Variants in SLC44A5 observed in about 807,000 individuals in gnomAD.
SLC44A5 encodes the protein solute carrier family 44 member 5, also known as choline transporter-like protein 5.
A neutral mutation model predicts 101.8 loss-of-function variants in SLC44A5; 57 were observed. That is an observed-to-expected ratio of 0.56 (90% confidence interval 0.45 to 0.70). SLC44A5 has a LOEUF of 0.70. Ranked by LOEUF, SLC44A5 falls within the 30% of genes least tolerant of loss-of-function variation. The probability of loss-of-function intolerance (pLI) is 0.00; values close to 1 mark genes in which losing one functional copy is unlikely to be tolerated. For synonymous variants in SLC44A5, 281 were observed against 290.9 expected (o/e 0.97, Z 0.35); for missense variants, 737 against 853.1 (o/e 0.86, Z 1.70).
chr1:75,400,215 GACAA>G (rs1662389395), intron 2 of SLC44A5, among the ~76,000 whole-genome samples: 2 of 152,158 alleles, frequency 1.3e-5, no homozygotes, highest in Admixed American at 6.5e-5. Context: ...TACAAGGGTT[GACAA>G]ACAACATATT....
At chr1:75,393,724 A>G (rs1661945742) in intron 3 of SLC44A5, among the ~76,000 whole-genome samples, 1 of 152,190 alleles carries the variant, frequency 6.6e-6, no homozygotes, top group South Asian at 2.1e-4. Flanking sequence ...GAAAATAGGA[A>G]CTGTAATTAT....
the SLC44A5 span, chr1:75,677,717 A>C: frequency 9.1e-6 from 4 of 437,166 alleles, no homozygotes; most frequent in African/African-American, 8.5e-5. Flanking sequence ...GACCCAGTGC[A>C]ATCATCTGTT....
chr1:75,441,604 AT>A (rs148659434), intron 2 of SLC44A5, among the ~76,000 whole-genome samples: 3,054 of 152,210 alleles, frequency 0.02, 97 homozygotes, highest in African/African-American at 0.07. Flanking sequence ...AATTAAAAAA[AT>A]ATATTACCCA....
intron 3 of SLC44A5, among the ~76,000 whole-genome samples, chr1:75,342,399 T>A (rs1327558380): frequency 6.6e-6 from 1 of 152,182 alleles, no homozygotes; most frequent in Non-Finnish European, 1.5e-5. Flanking sequence ...TAAAAATTCA[T>A]GCCATTTCAA....
intron 2 of SLC44A5, among the ~76,000 whole-genome samples, chr1:75,431,952 G>A (rs551343362): frequency 3.0e-4 from 45 of 152,186 alleles, no homozygotes; most frequent in African/African-American, 1.1e-3. Context: ...TCGAATTTTA[G>A]TGCATTCTTC....
the SLC44A5 span, among the ~76,000 whole-genome samples, chr1:75,658,910 C>T: frequency 6.6e-6 from 1 of 151,668 alleles, no homozygotes; most frequent in Non-Finnish European, 1.5e-5. Context: ...AGACAAGACT[C>T]AAAGAAATAA....
the SLC44A5 span, among the ~76,000 whole-genome samples, chr1:75,672,174 A>T: frequency 6.6e-6 from 1 of 152,288 alleles, no homozygotes; most frequent in African/African-American, 2.4e-5. Context: ...TTAACATGTC[A>T]GAAAAGAGGC....
At chr1:75,533,694 G>A (rs1670845975) in intron 2 of SLC44A5, among the ~76,000 whole-genome samples, 1 of 152,040 alleles carries the variant, frequency 6.6e-6, no homozygotes, top group South Asian at 2.1e-4. Flanking sequence ...CATTTTTTCT[G>A]TAAAAACTCT....
At position 75,251,197 on chromosome 1, in the gene SLC44A5, C is replaced by T. The variant is rs747595327; in HGVS notation, c.345+13G>A. Reference sequence around the variant, plus strand: ...AACGGCTGACACTACCAGTGAGGCACCTTTTGCCTTACCTGTGTGGTAGGG... The same window carrying T: ...AACGGCTGACACTACCAGTGAGGCATCTTTTGCCTTACCTGTGTGGTAGGG... On this transcript the variant is annotated intron_variant, in intron 7 of 23. Transcript: ENST00000370859. 1.3e-5 allele frequency: 21 copies of T among 1,593,872 alleles called. No homozygotes were observed. The highest frequency in any genetic ancestry group is 5.0e-5 in the Admixed American group (3 of 59,642).
At chr1:75,530,486 A>G (rs1194297314) in intron 2 of SLC44A5, among the ~76,000 whole-genome samples, 1 of 152,214 alleles carries the variant, frequency 6.6e-6, no homozygotes, top group Non-Finnish European at 1.5e-5. Flanking sequence ...AAGGACATCA[A>G]TAGAAATAAA....
chr1:75,396,702 T>TA (rs1310387181), intron 2 of SLC44A5, 81 bp from the exon 3 acceptor site: 18 of 1,092,418 alleles, frequency 1.6e-5, no homozygotes, highest in Non-Finnish European at 2.3e-5. Context: ...CTCCTTATCC[T>TA]AAAAAATCTT....
At chr1:75,347,389 T>C (rs1553164676) in intron 3 of SLC44A5, among the ~76,000 whole-genome samples, 3 of 152,146 alleles carry the variant, frequency 2.0e-5, no homozygotes, top group Non-Finnish European at 2.9e-5. Flanking sequence ...GTGCACAATT[T>C]CTACCCACAA....
intron 2 of SLC44A5, among the ~76,000 whole-genome samples, chr1:75,503,776 A>C (rs1330875395): frequency 2.0e-5 from 3 of 152,198 alleles, no homozygotes; most frequent in Non-Finnish European, 4.4e-5. Context: ...ATAAACGGCC[A>C]TGGAACTACT....
At chr1:75,304,760 T>G (rs1304887379) in intron 4 of SLC44A5, among the ~76,000 whole-genome samples, 1 of 152,194 alleles carries the variant, frequency 6.6e-6, no homozygotes, top group African/African-American at 2.4e-5. Flanking sequence ...ACTTTTTCCT[T>G]AGGTGGATTC....
At chr1:75,442,323 G>A (rs764723468) in intron 2 of SLC44A5, among the ~76,000 whole-genome samples, 1 of 152,124 alleles carries the variant, frequency 6.6e-6, no homozygotes, top group African/African-American at 2.4e-5. Context: ...GGAGACTACT[G>A]CAATCGGGCT....
At chr1:75,639,691 T>C in the SLC44A5 span, among the ~76,000 whole-genome samples, 2 of 152,160 alleles carry the variant, frequency 1.3e-5, no homozygotes, top group Non-Finnish European at 2.9e-5. Flanking sequence ...TGTGTGTTTT[T>C]GTTCACAGTT....
chr1:75,664,131 C>A, the SLC44A5 span, among the ~76,000 whole-genome samples: 2 of 151,840 alleles, frequency 1.3e-5, no homozygotes, highest in African/African-American at 4.8e-5. Flanking sequence ...AAAACCTCAA[C>A]AAACTAGATA....
chr1:75,345,850 A>G (rs940721559), intron 3 of SLC44A5, among the ~76,000 whole-genome samples: 2 of 152,170 alleles, frequency 1.3e-5, no homozygotes, highest in Admixed American at 6.5e-5. Context: ...TATATATTTG[A>G]TGCAGAGGAA....
the SLC44A5 span, among the ~76,000 whole-genome samples, chr1:75,617,295 T>C: frequency 1.3e-5 from 2 of 152,142 alleles, no homozygotes; most frequent in Non-Finnish European, 2.9e-5. Context: ...AATCTGATTG[T>C]CTAAACATTC....
Sources: gnomAD v4.1 joint callset for allele counts (sites outside exome capture counted in the v4.1 genomes callset) on GRCh38, gnomAD v4.1.1 for gene constraint, MANE v1.5 for transcripts, NCBI Gene and HGNC (gene_info 2026-07-23, HGNC 2026-07-21) for gene names.